SNTG1: variants seen among roughly 807,000 people sequenced by gnomAD.
The protein encoded by SNTG1 is syntrophin gamma 1.
SNTG1 carries 39 observed loss-of-function variants against 74.7 expected under a neutral mutation model. The ratio of observed to expected loss-of-function variants is 0.52; its 90% CI spans 0.40 to 0.68. SNTG1 has a LOEUF of 0.68. Ranked by LOEUF, SNTG1 falls within the 30% of genes least tolerant of loss-of-function variation. The probability of loss-of-function intolerance (pLI) is 0.00; values close to 1 mark genes in which losing one functional copy is unlikely to be tolerated. For missense variants in SNTG1, 685 were observed against 609.5 expected, an observed-to-expected ratio of 1.12 and a Z score of -1.30; for synonymous variants, 254 against 217.1, an observed-to-expected ratio of 1.17 and a Z score of -1.49.
rs185543215 is a variant in SNTG1 at position 50,328,613 on chromosome 8, A to C, written c.-27-65599A>C. Among the ~76,000 whole-genome samples, 324 of 152,334 alleles carry C rather than the reference A, an allele frequency of 2.1e-3. 1 individual carries two copies. The highest frequency in any genetic ancestry group is 3.3e-3 in the Non-Finnish European group (222 of 68,034). ...AGAATTCACTCACTATCATGAGAACAGCATAGGAGAAACCACCTCATGATC... is the reference window on the plus strand; with the variant it reads ...AGAATTCACTCACTATCATGAGAACCGCATAGGAGAAACCACCTCATGATC... On this transcript the variant is annotated intron_variant, in intron 2 of 18. Transcript: ENST00000642720.
At chr8:50,716,873 C>T (rs1358342984) in intron 17 of SNTG1, among the ~76,000 whole-genome samples, 1 of 151,904 alleles carries the variant, frequency 6.6e-6, no homozygotes, top group Non-Finnish European at 1.5e-5. Flanking sequence ...ACTGGGACTA[C>T]AGGGGCCCGC....
intron 8 of SNTG1, among the ~76,000 whole-genome samples, chr8:50,501,525 T>G (rs2093955130): frequency 7.4e-6 from 1 of 134,822 alleles, no homozygotes; most frequent in Admixed American, 8.6e-5. Context: ...AACCTCCGCC[T>G]CCCAGGTTCA....
At chr8:50,102,836 T>C (rs1470346848) in intron 1 of SNTG1, among the ~76,000 whole-genome samples, 3 of 149,284 alleles carry the variant, frequency 2.0e-5, no homozygotes, top group Admixed American at 2.0e-4. Context: ...CCATTGCTTG[T>C]TTTTGTCAGG....
Position 50,549,702 on chromosome 8 carries a change from G to C in SNTG1, c.681-3348G>C, listed in dbSNP as rs1475681063. Among the ~76,000 whole-genome samples the C allele has an allele frequency of 2.6e-5, 4 of 152,054 alleles. No homozygotes were observed. The East Asian group carries it at 7.7e-4, about 29-fold the overall frequency. Reference sequence around the variant, plus strand: ...TCTTCTTCAGATCCACACACAATGTGCCAGACAACCCACATTTCTTTGGAT... The same window carrying C: ...TCTTCTTCAGATCCACACACAATGTCCCAGACAACCCACATTTCTTTGGAT... On this transcript the variant is annotated intron_variant, in intron 11 of 18. Coordinates refer to ENST00000642720, the MANE Select transcript of SNTG1 (RefSeq NM_018967.5).
intron 17 of SNTG1, among the ~76,000 whole-genome samples, 167 bp from the exon 18 acceptor site, chr8:50,751,834 T>A (rs2095568094): frequency 6.6e-6 from 1 of 152,032 alleles, no homozygotes; most frequent in African/African-American, 2.4e-5. Flanking sequence ...TAATATTGAA[T>A]CACAAATGTT....
chr8:50,786,222 A>G (rs1190814378), intron 18 of SNTG1, among the ~76,000 whole-genome samples: 1 of 152,016 alleles, frequency 6.6e-6, no homozygotes, highest in African/African-American at 2.4e-5. Flanking sequence ...GTATTTTTAT[A>G]TGTTAGCAAT....
chr8:50,102,777 T>C, intron 1 of SNTG1, among the ~76,000 whole-genome samples: 1 of 150,992 alleles, frequency 6.6e-6, no homozygotes. Context: ...TTTCTACATA[T>C]GGCTAGCCAG....
At chr8:50,366,223 G>A (rs2092104848) in intron 2 of SNTG1, among the ~76,000 whole-genome samples, 1 of 152,172 alleles carries the variant, frequency 6.6e-6, no homozygotes, top group Non-Finnish European at 1.5e-5. Flanking sequence ...GCATGTTAGA[G>A]CCAGAAAGGA....
At chr8:50,217,900 T>C (rs1198661759) in intron 2 of SNTG1, among the ~76,000 whole-genome samples, 2 of 152,132 alleles carry the variant, frequency 1.3e-5, no homozygotes, top group East Asian at 1.9e-4. Context: ...TTCTGAGCCA[T>C]GTAAAAGAAG....
chr8:50,033,273 G>A (rs575629315), intron 1 of SNTG1, among the ~76,000 whole-genome samples: 11 of 151,956 alleles, frequency 7.2e-5, no homozygotes, highest in Admixed American at 1.3e-4. Flanking sequence ...ACAGGCATGC[G>A]CCACCACACC....
Position 49,929,024 on chromosome 8 carries a change from T to C in SNTG1, c.-103+16793T>C, listed in dbSNP as rs74450520. Among the ~76,000 whole-genome samples the C allele has an allele frequency of 1.8e-4, 28 of 152,098 alleles. No individual in the cohort carries two copies. In the East Asian group the frequency reaches 5.4e-3, roughly 29 times the overall value. The stretch of plus-strand genomic sequence containing the variant: ...AATGAAAACAAACACAAACGTAGTA[T>C]AGGAAAACAAAGAAAAAGCTGGCTT... On this transcript the variant is annotated intron_variant, in intron 1 of 18. Transcript: ENST00000642720.
At chr8:50,639,576 G>A (rs1039316693) in intron 13 of SNTG1, among the ~76,000 whole-genome samples, 1 of 151,888 alleles carries the variant, frequency 6.6e-6, no homozygotes, top group Non-Finnish European at 1.5e-5. Context: ...GATATCAACA[G>A]AATTGTGTGC....
At chr8:50,551,223 A>G (rs2130586443) in intron 11 of SNTG1, among the ~76,000 whole-genome samples, 1 of 152,266 alleles carries the variant, frequency 6.6e-6, no homozygotes, top group Middle Eastern at 3.4e-3. Context: ...TGTAATAAAA[A>G]AACTGTTCAA....
chr8:50,739,751 C>G (rs1276903190), intron 17 of SNTG1, among the ~76,000 whole-genome samples: 1 of 151,982 alleles, frequency 6.6e-6, no homozygotes, highest in African/African-American at 2.4e-5. Context: ...GTAACCAAAA[C>G]AGCATGGCAC....
chr8:50,724,600 T>C (rs1161493148), intron 17 of SNTG1, among the ~76,000 whole-genome samples: 2 of 152,176 alleles, frequency 1.3e-5, no homozygotes, highest in Non-Finnish European at 2.9e-5. Flanking sequence ...ATCTAATCAT[T>C]AATAAGTAGA....
At chr8:50,434,879 A>G (rs1218460481) in intron 4 of SNTG1, among the ~76,000 whole-genome samples, 3 of 152,144 alleles carry the variant, frequency 2.0e-5, no homozygotes, top group Non-Finnish European at 4.4e-5. Flanking sequence ...CAAAATTAAT[A>G]CAAACAATTT....
intron 1 of SNTG1, among the ~76,000 whole-genome samples, chr8:49,922,184 A>C (rs1288585439): frequency 6.6e-6 from 1 of 152,152 alleles, no homozygotes; most frequent in African/African-American, 2.4e-5. Flanking sequence ...TCAGAACAAC[A>C]GGAATTTCCC....
chr8:50,226,044 T>A (rs1471097874), intron 2 of SNTG1, among the ~76,000 whole-genome samples: 1 of 152,180 alleles, frequency 6.6e-6, no homozygotes, highest in Admixed American at 6.5e-5. Context: ...ATGAACACAA[T>A]AGAATTGCAA....
chr8:50,644,025 T>G (rs6990703), intron 13 of SNTG1: 3 of 152,140 alleles, frequency 2.0e-5, no homozygotes, highest in African/African-American at 7.2e-5. Context: ...ACAGCTCAAC[T>G]GCAGGGCTCC....
Sources: allele counts gnomAD v4.1 joint callset (sites outside exome capture counted in the v4.1 genomes callset), GRCh38; gene constraint gnomAD v4.1.1; transcripts MANE v1.5; gene names NCBI Gene and HGNC (gene_info 2026-07-23, HGNC 2026-07-21).